Variants in PRKN observed in about 807,000 individuals in gnomAD.
PRKN encodes the protein parkin RBR E3 ubiquitin protein ligase, also known as E3 ubiquitin-protein ligase parkin.
Under a neutral mutation model 59.5 loss-of-function variants are expected in PRKN, and 56 were observed. The observed-to-expected ratio is 0.94, with a 90% CI of 0.76 to 1.18. The LOEUF (loss-of-function observed/expected upper bound fraction) is 1.18. Among genes scored for constraint, PRKN ranks in the 50% most tolerant of loss-of-function variants. PRKN has a pLI of 0.00. For missense variants in PRKN, 657 were observed against 596.4 expected (o/e 1.10, Z -1.06); for synonymous variants, 250 against 222.1 (o/e 1.13, Z -1.12).
intron 4 of PRKN, among the ~76,000 whole-genome samples, chr6:162,101,286 T>C (rs1320633462): frequency 6.6e-6 from 1 of 151,496 alleles, no homozygotes; most frequent in African/African-American, 2.4e-5. Context: ...CATTTCCTTC[T>C]TCTGCTTGTG....
chr6:161,944,214 G>A (rs184138262), intron 6 of PRKN, among the ~76,000 whole-genome samples: 19 of 152,300 alleles, frequency 1.2e-4, no homozygotes, highest in African/African-American at 4.3e-4. Flanking sequence ...ACCATGTTCT[G>A]TATTGCCCAT....
chr6:162,069,555 T>C (rs1350666662), intron 4 of PRKN, among the ~76,000 whole-genome samples: 1 of 152,188 alleles, frequency 6.6e-6, no homozygotes, highest in Non-Finnish European at 1.5e-5. Flanking sequence ...CTTTAATGAG[T>C]GTATATATTC....
intron 6 of PRKN, among the ~76,000 whole-genome samples, chr6:161,788,545 A>T (rs1790514747): frequency 6.6e-6 from 1 of 152,198 alleles, no homozygotes; most frequent in Non-Finnish European, 1.5e-5. Context: ...CTACAGCTGC[A>T]CCAGGCCACC....
chr6:162,100,634 G>A (rs1430601823), intron 4 of PRKN, among the ~76,000 whole-genome samples: 1 of 151,906 alleles, frequency 6.6e-6, no homozygotes, highest in African/African-American at 2.4e-5. Flanking sequence ...TACAGAGAGG[G>A]TTTTGCCATT....
rs532754460 is a variant in PRKN, at chr6:162,398,056, A to G, written c.171+45254T>C. ...TGACTCAAAAAAAAAAAAAAAAAAG[A>G]AAGATTTTCTCAAATTTGTGGAAAA... On this transcript the variant is annotated intron_variant, in intron 2 of 11. Transcript: ENST00000366898. 3.4e-3 allele frequency among the ~76,000 whole-genome samples: 515 copies of G among 149,524 alleles called. 6 individuals carry two copies. The highest frequency in any genetic ancestry group is 0.012 in the African/African-American group (479 of 40,430).
chr6:162,105,681 T>C (rs1780166025), intron 4 of PRKN, among the ~76,000 whole-genome samples: 1 of 152,188 alleles, frequency 6.6e-6, no homozygotes, highest in South Asian at 2.1e-4. Flanking sequence ...ATTACAGGCA[T>C]GAGCCACTGC....
intron 10 of PRKN, among the ~76,000 whole-genome samples, chr6:161,364,902 G>C (rs1785132093): frequency 6.6e-6 from 1 of 150,832 alleles, no homozygotes; most frequent in African/African-American, 2.4e-5. Context: ...GTACACTCCA[G>C]CCTGGGCAAC....
intron 2 of PRKN, among the ~76,000 whole-genome samples, chr6:162,425,204 T>C (rs1373084437): frequency 6.6e-6 from 1 of 152,190 alleles, no homozygotes; most frequent in Non-Finnish European, 1.5e-5. Context: ...ATATAGTCCA[T>C]TTTTCACAAC....
intron 9 of PRKN, among the ~76,000 whole-genome samples, chr6:161,521,987 G>A (rs1210479752): frequency 6.6e-6 from 1 of 152,152 alleles, no homozygotes; most frequent in Non-Finnish European, 1.5e-5. Context: ...CTTGAATTTT[G>A]TTAGTTTCAT....
At chr6:161,669,601 T>C (rs915732499) in intron 7 of PRKN, among the ~76,000 whole-genome samples, 3 of 152,258 alleles carry the variant, frequency 2.0e-5, no homozygotes, top group African/African-American at 7.2e-5. Flanking sequence ...TAACCTGTCT[T>C]ACCACACAGA....
At chr6:162,122,689 C>G (rs532109913) in intron 4 of PRKN, among the ~76,000 whole-genome samples, 2 of 152,094 alleles carry the variant, frequency 1.3e-5, no homozygotes, top group East Asian at 3.9e-4. Context: ...TAGGTGACAA[C>G]ATTTGGATAG....
At chr6:162,266,297 A>AC in intron 2 of PRKN, among the ~76,000 whole-genome samples, 2 of 125,832 alleles carry the variant, frequency 1.6e-5, no homozygotes, top group Non-Finnish European at 3.3e-5. Flanking sequence ...ATACATATAT[A>AC]TTGTGTGTGT....
At chr6:162,368,751 C>T (rs1423648053) in intron 2 of PRKN, among the ~76,000 whole-genome samples, 2 of 152,194 alleles carry the variant, frequency 1.3e-5, no homozygotes, top group Non-Finnish European at 2.9e-5. Flanking sequence ...GTCACCTGCT[C>T]TCAACTCTTC....
rs185931942 is a variant in PRKN at position 161,806,001 on chromosome 6, C to T, written c.735-20093G>A. On this transcript the variant is annotated intron_variant, in intron 6 of 11. Transcript: ENST00000366898. ...TCATTAGGGTCGACGAGTTCTTCCC[C>T]ACAGAGCAGCCTACTCCCTGGCATA... Among the ~76,000 whole-genome samples, 198 of 152,354 alleles carry T rather than the reference C, an allele frequency of 1.3e-3. 1 individual carries two copies. Among genetic ancestry groups the T allele is most frequent in the Middle Eastern group, 3.4e-3 (1 of 294 alleles).
chr6:162,121,899 A>C (rs1780930388), intron 4 of PRKN, among the ~76,000 whole-genome samples: 1 of 152,206 alleles, frequency 6.6e-6, no homozygotes, highest in Admixed American at 6.5e-5. Flanking sequence ...TTGATGCAGC[A>C]TGTGGTTATT....
chr6:162,239,815 A>G (rs1016947688), intron 3 of PRKN, among the ~76,000 whole-genome samples: 6 of 151,858 alleles, frequency 4.0e-5, no homozygotes, highest in African/African-American at 1.2e-4. Context: ...GACTATTTTT[A>G]TATTTTTAAT....
chr6:162,372,183 C>T (rs1785805523), intron 2 of PRKN, among the ~76,000 whole-genome samples: 1 of 152,220 alleles, frequency 6.6e-6, no homozygotes, highest in South Asian at 2.1e-4. Flanking sequence ...ACAAGGATTA[C>T]AGATTCCATG....
chr6:161,803,017 G>A (rs547896650), intron 6 of PRKN, among the ~76,000 whole-genome samples: 2 of 152,240 alleles, frequency 1.3e-5, no homozygotes, highest in Admixed American at 1.3e-4. Flanking sequence ...AACAGGAGAT[G>A]AAAACTCCCA....
chr6:162,556,001 T>TAAAAAA (rs1554243232), intron 1 of PRKN, among the ~76,000 whole-genome samples: 14 of 83,188 alleles, frequency 1.7e-4, no homozygotes, highest in Non-Finnish European at 5.6e-5. Context: ...AAAAAAAAAG[T>TAAAAAA]GAGAAAACAT....
Sources: allele counts gnomAD v4.1 joint callset (sites outside exome capture counted in the v4.1 genomes callset), GRCh38; gene constraint gnomAD v4.1.1; transcripts MANE v1.5; gene names NCBI Gene and HGNC (gene_info 2026-07-23, HGNC 2026-07-21).